The following PKIG variants were observed in gnomAD, a reference collection of about 807,000 sequenced individuals.
PKIG encodes the protein cAMP-dependent protein kinase inhibitor gamma.
PKIG carries 1 observed loss-of-function variant against 6.8 expected under a neutral mutation model. That is an observed-to-expected ratio of 0.15 (90% CI 0.05 to 0.69). The LOEUF is 0.69. Among genes scored for constraint, PKIG ranks in the 30% least tolerant of loss-of-function variants. PKIG has a pLI of 0.82. For missense variants in PKIG, 77 were observed against 104.0 expected, an observed-to-expected ratio of 0.74 and a Z score of 1.13; for synonymous variants, 39 against 43.0, an observed-to-expected ratio of 0.91 and a Z score of 0.36.
At chr20:44,560,104 G>A (rs1436393374) in intron 1 of PKIG, among the ~76,000 whole-genome samples, 1 of 151,790 alleles carries the variant, frequency 6.6e-6, no homozygotes, top group East Asian at 1.9e-4. Flanking sequence ...AAGAAAATTA[G>A]CTGGGCATGG....
At chr20:44,612,865 G>C (rs1359059591) in intron 2 of PKIG, among the ~76,000 whole-genome samples, 1 of 152,174 alleles carries the variant, frequency 6.6e-6, no homozygotes, top group Non-Finnish European at 1.5e-5. Context: ...TCCCAGTGCT[G>C]TGTGTGGCGG....
chr20:44,555,951 C>T (rs997228800), intron 1 of PKIG, among the ~76,000 whole-genome samples: 2 of 152,210 alleles, frequency 1.3e-5, no homozygotes, highest in Non-Finnish European at 2.9e-5. Flanking sequence ...GGCGATTCTC[C>T]TGCCTCAGCC....
chr20:44,543,442 C>A lies in PKIG; in HGVS notation c.-241+11464C>A, dbSNP rs552266274. Among the ~76,000 whole-genome samples, 5 of 152,156 alleles carry A rather than the reference C, an allele frequency of 3.3e-5. No homozygotes were observed. The South Asian group carries it at 6.2e-4, about 19-fold the overall frequency. ...AAAGGGCACAGAAATATTTTGAAGA[C>A]CGCATGCCCTGTCTTGCATGCCCAC... On this transcript the variant is annotated intron_variant, in intron 1 of 4. Coordinates refer to the PKIG transcript ENST00000372887.
chr20:44,559,398 C>G (rs891923788), intron 1 of PKIG, among the ~76,000 whole-genome samples: 1 of 152,078 alleles, frequency 6.6e-6, no homozygotes, highest in Non-Finnish European at 1.5e-5. Context: ...ACTTACAAAC[C>G]TTTTGGCTTT....
chr20:44,541,400 CA>C (rs1250612437), intron 1 of PKIG, among the ~76,000 whole-genome samples: 1 of 152,022 alleles, frequency 6.6e-6, no homozygotes, highest in African/African-American at 2.4e-5. Context: ...GTGATCCTCT[CA>C]CCTCAGCCTC....
chr20:44,618,233 G>A, intron 3 of PKIG, 52 bp from the exon 4 acceptor site: 1 of 1,169,602 alleles, frequency 8.5e-7, no homozygotes, highest in Non-Finnish European at 1.3e-6. Flanking sequence ...CTCCTTCTGT[G>A]CATTACTTTG....
intron 1 of PKIG, among the ~76,000 whole-genome samples, chr20:44,532,285 T>C (rs2064473713): frequency 6.6e-6 from 1 of 151,904 alleles, no homozygotes; most frequent in African/African-American, 2.4e-5. Flanking sequence ...GTGCAGAAAA[T>C]TTATTTGTGT....
intron 1 of PKIG, among the ~76,000 whole-genome samples, chr20:44,587,022 C>T (rs2064995481): frequency 6.6e-6 from 1 of 152,112 alleles, no homozygotes; most frequent in African/African-American, 2.4e-5. Flanking sequence ...TTACTATGTC[C>T]CAGGAACCTA....
At chr20:44,538,675 C>T (rs567529339) in intron 1 of PKIG, among the ~76,000 whole-genome samples, 1 of 152,096 alleles carries the variant, frequency 6.6e-6, no homozygotes, top group Non-Finnish European at 1.5e-5. Flanking sequence ...TCCTTTCCCC[C>T]CTGTAGTCAC....
chr20:44,550,984 AT>A (rs1316695676), intron 1 of PKIG, among the ~76,000 whole-genome samples: 2 of 152,190 alleles, frequency 1.3e-5, no homozygotes, highest in Non-Finnish European at 1.5e-5. Flanking sequence ...GCATGTGTGT[AT>A]TTCAATTTTT....
At chr20:44,575,314 G>A (rs1462985792) in intron 1 of PKIG, among the ~76,000 whole-genome samples, 2 of 152,174 alleles carry the variant, frequency 1.3e-5, no homozygotes, top group Non-Finnish European at 1.5e-5. Context: ...TGCATCCTGG[G>A]TTCAAACGAT....
At chr20:44,613,784 A>G in intron 2 of PKIG, among the ~76,000 whole-genome samples, 1 of 151,930 alleles carries the variant, frequency 6.6e-6, no homozygotes, top group East Asian at 1.9e-4. Context: ...CGCCACAGTC[A>G]CCTTTGAAAA....
In PKIG at chr20:44,614,495, C is replaced by G; in HGVS notation, c.-23-39C>G. On this transcript the variant is annotated intron_variant, in intron 2 of 3. Coordinates refer to ENST00000372886, the MANE Select transcript of PKIG (RefSeq NM_001281445.2). This position sits in a 1 kb window ranked among gnomAD's most constrained non-coding sequence, Gnocchi z 4.6. ...GAGCTGTCCTCTCTGCAGAATGCAT[C>G]TGGACTTACCTCTGCCCCCTTGCCT... The G allele has an allele frequency of 6.6e-7, 1 of 1,513,872 alleles. No individual in the cohort carries two copies. Among genetic ancestry groups the G allele is most frequent in the South Asian group, 1.2e-5 (1 of 85,854 alleles). The allele number at this position is 1,513,872 out of a possible 1,614,324, so 93.8% of individuals were successfully genotyped here. A position where few individuals can be genotyped will look rare whatever the true frequency, so the allele number is the denominator to read the frequency against.
intron 1 of PKIG, among the ~76,000 whole-genome samples, chr20:44,588,945 A>G (rs573612231): frequency 1.4e-4 from 22 of 152,372 alleles, no homozygotes; most frequent in African/African-American, 4.6e-4. Context: ...TTTTCAATCA[A>G]AACAGAAATA....
intron 1 of PKIG, among the ~76,000 whole-genome samples, chr20:44,536,953 G>A (rs1244391085): frequency 2.0e-5 from 3 of 151,930 alleles, no homozygotes; most frequent in African/African-American, 7.3e-5. Flanking sequence ...TTTTTGAGAC[G>A]GAGTCTCGCT....
chr20:44,594,481 C>A (rs1400844796), intron 2 of PKIG, among the ~76,000 whole-genome samples: 1 of 152,166 alleles, frequency 6.6e-6, no homozygotes, highest in Non-Finnish European at 1.5e-5. Context: ...AAAAATTATG[C>A]ATGAATTTCC....
At chr20:44,544,474 C>T (rs1452672571) in intron 1 of PKIG, among the ~76,000 whole-genome samples, 1 of 152,138 alleles carries the variant, frequency 6.6e-6, no homozygotes, top group Non-Finnish European at 1.5e-5. Flanking sequence ...TCCACAGTGC[C>T]ATCAGGCAGC....
intron 2 of PKIG, among the ~76,000 whole-genome samples, chr20:44,601,909 G>C (rs1319806549): frequency 6.6e-6 from 1 of 152,210 alleles, no homozygotes; most frequent in East Asian, 1.9e-4. Context: ...GGCAGAGCCT[G>C]GGGCCTCTTC....
chr20:44,594,501 A>C (rs1277801110), intron 2 of PKIG, among the ~76,000 whole-genome samples: 4 of 152,208 alleles, frequency 2.6e-5, no homozygotes, highest in Admixed American at 6.5e-5. Flanking sequence ...CTTTAATTTC[A>C]CAACAACCCT....
Sources: gnomAD v4.1 joint callset for allele counts (sites outside exome capture counted in the v4.1 genomes callset) on GRCh38, gnomAD v4.1.1 for gene constraint, Gnocchi (gnomAD v3.1) non-coding constraint, MANE v1.5 for transcripts, NCBI Gene and HGNC (gene_info 2026-07-23, HGNC 2026-07-21) for gene names.